The following PCDH15 variants were observed in gnomAD, a reference collection of about 807,000 sequenced individuals.
PCDH15 encodes the protein protocadherin-15.
A neutral mutation model predicts 178.5 loss-of-function variants in PCDH15; 129 were observed. The observed-to-expected ratio is 0.72, with a 90% CI of 0.63 to 0.84. PCDH15 has a LOEUF of 0.84. Ranked by LOEUF, PCDH15 falls within the 40% of genes least tolerant of loss-of-function variation. The pLI is 0.00. For missense variants in PCDH15, 2,230 were observed against 2,099.9 expected (o/e 1.06, Z -1.21); for synonymous variants, 800 against 732.0 (o/e 1.09, Z -1.50).
intron 2 of PCDH15, among the ~76,000 whole-genome samples, chr10:55,466,667 G>A (rs1229238198): frequency 3.3e-5 from 5 of 152,110 alleles, no homozygotes; most frequent in African/African-American, 7.2e-5. Context: ...GTCTGGCATC[G>A]AAACGCTGAC....
intron 2 of PCDH15, among the ~76,000 whole-genome samples, chr10:55,016,337 T>C (rs1840178632): frequency 6.6e-6 from 1 of 152,128 alleles, no homozygotes; most frequent in African/African-American, 2.4e-5. Flanking sequence ...TGCTATGAAA[T>C]AATAGATCTT....
At chr10:54,916,929 A>G (rs138211736) in intron 2 of PCDH15, among the ~76,000 whole-genome samples, 23 of 152,278 alleles carry the variant, frequency 1.5e-4, no homozygotes, top group African/African-American at 5.5e-4. Context: ...TTACTGTCAC[A>G]TAGGAGAGTC....
At chr10:54,519,435 CA>C (rs1373236110) in intron 3 of PCDH15, among the ~76,000 whole-genome samples, 60 of 152,036 alleles carry the variant, frequency 3.9e-4, no homozygotes, top group African/African-American at 1.4e-3. Context: ...AACAGAGAGC[CA>C]AATCATGAGT....
intron 3 of PCDH15, among the ~76,000 whole-genome samples, chr10:54,855,353 G>T (rs900884645): frequency 5.7e-4 from 87 of 152,158 alleles, no homozygotes; most frequent in Non-Finnish European, 2.4e-4. Flanking sequence ...GGGAAGCCAG[G>T]GTCCACAGCC....
chr10:54,103,165 T>C (rs2094843497), intron 15 of PCDH15, among the ~76,000 whole-genome samples: 1 of 152,214 alleles, frequency 6.6e-6, no homozygotes, highest in Non-Finnish European at 1.5e-5. Context: ...TGATTCTCTG[T>C]TTTTATAATT....
Position 54,686,041 on chromosome 10 carries a change from A to ATTTTTTTTTTTTTTTTTT in PCDH15, c.-28-21769_-28-21752dup, listed in dbSNP as rs66539612. Among the ~76,000 whole-genome samples the ATTTTTTTTTTTTTTTTTT allele has an allele frequency of 2.2e-3, 285 of 126,790 alleles. 3 individuals carry two copies. The highest frequency in any genetic ancestry group is 3.2e-3 in the Non-Finnish European group (201 of 62,066). 83.2% of individuals were successfully genotyped at this position (126,790 alleles called of 152,430 possible). A position where few individuals can be genotyped will look rare whatever the true frequency, so the allele number is the denominator to read the frequency against. On this transcript the variant is annotated intron_variant, in intron 1 of 37. Coordinates refer to ENST00000644397, the MANE Select transcript of PCDH15 (RefSeq NM_001384140.1). ...CAAATCCAAGGGAGCAAGACAGCCA[A>ATTTTTTTTTTTTTTTTTT]TTTTTTTTTTTTTTTTTTGTATTTT...
intron 2 of PCDH15, chr10:55,513,152 G>T (rs1840927160): frequency 6.6e-6 from 1 of 152,060 alleles, no homozygotes; most frequent in African/African-American, 2.4e-5. Context: ...AACTTAAGAG[G>T]ATCCAACAGT....
chr10:54,825,046 C>A (rs939797659), intron 3 of PCDH15, among the ~76,000 whole-genome samples: 2 of 152,054 alleles, frequency 1.3e-5, no homozygotes, highest in African/African-American at 4.8e-5. Context: ...ACAACAGTCT[C>A]CTGTGTGTGA....
At position 54,779,432 on chromosome 10, in the gene PCDH15, A is replaced by ATATG. The variant is rs796369320; in HGVS notation, c.-29+21492_-29+21493insCATA. ...TATATATATATATATACACACACAT[A>ATATG]TGTGTATATATATATACACTCATAT... On this transcript the variant is annotated intron_variant, in intron 1 of 37. Transcript: ENST00000644397. 3.0e-3 allele frequency among the ~76,000 whole-genome samples: 314 copies of ATATG among 105,364 alleles called. 4 individuals carry two copies. Among genetic ancestry groups the ATATG allele is most frequent in the South Asian group, 0.021 (61 of 2,918 alleles). 69.1% of individuals were successfully genotyped at this position (105,364 alleles called of 152,430 possible). A position where few individuals can be genotyped will look rare whatever the true frequency, so the allele number is the denominator to read the frequency against.
chr10:55,242,936 T>TA (rs1349879869), intron 1 of PCDH15, among the ~76,000 whole-genome samples: 1 of 152,192 alleles, frequency 6.6e-6, no homozygotes, highest in Non-Finnish European at 1.5e-5. Flanking sequence ...AGTTAAAAAT[T>TA]AATAATGAAG....
At chr10:54,315,932 T>G (rs857381) in intron 8 of PCDH15, among the ~76,000 whole-genome samples, 33,297 of 149,262 alleles carry the variant, frequency 0.22, 3,780 homozygotes, top group African/African-American at 0.26. Flanking sequence ...AGTTTGTGTG[T>G]TTTTTTTGTT....
chr10:54,861,721 A>G (rs1005920697), intron 3 of PCDH15, among the ~76,000 whole-genome samples: 3 of 152,210 alleles, frequency 2.0e-5, no homozygotes, highest in Admixed American at 6.5e-5. Context: ...AGAAAGAAAT[A>G]AAAGACATCC....
chr10:54,970,947 A>G (rs1838916177), intron 2 of PCDH15, among the ~76,000 whole-genome samples: 1 of 152,134 alleles, frequency 6.6e-6, no homozygotes, highest in Admixed American at 6.6e-5. Context: ...GAAATACCTA[A>G]CTTGTTTGAT....
At chr10:54,946,707 T>A (rs1343645305) in intron 2 of PCDH15, among the ~76,000 whole-genome samples, 1 of 151,860 alleles carries the variant, frequency 6.6e-6, no homozygotes, top group Non-Finnish European at 1.5e-5. Context: ...AAATCATAAT[T>A]TTCTCTAGTA....
intron 26 of PCDH15, among the ~76,000 whole-genome samples, chr10:53,899,052 C>G (rs10763027): frequency 0.64 from 97,787 of 151,650 alleles, 32,559 homozygotes; most frequent in East Asian, 0.87. Flanking sequence ...TTTCCACTCA[C>G]TATAGTATAA....
chr10:54,783,792 G>T (rs747936816), intron 1 of PCDH15, among the ~76,000 whole-genome samples: 3 of 152,138 alleles, frequency 2.0e-5, no homozygotes, highest in Non-Finnish European at 4.4e-5. Flanking sequence ...GCCACATATT[G>T]GGTACAATCT....
intron 1 of PCDH15, among the ~76,000 whole-genome samples, chr10:55,279,423 T>G (rs923380247): frequency 6.6e-6 from 1 of 152,194 alleles, no homozygotes; most frequent in African/African-American, 2.4e-5. Flanking sequence ...ATATTAGATT[T>G]CCTTTGAAAT....
intron 1 of PCDH15, among the ~76,000 whole-genome samples, chr10:54,699,012 T>C (rs2095272237): frequency 6.6e-6 from 1 of 152,138 alleles, no homozygotes; most frequent in African/African-American, 2.4e-5. Context: ...CAAATGAGTG[T>C]GTTCATAAAA....
intron 1 of PCDH15, among the ~76,000 whole-genome samples, chr10:54,721,465 T>C (rs1021800746): frequency 6.6e-6 from 1 of 151,746 alleles, no homozygotes; most frequent in Non-Finnish European, 1.5e-5. Flanking sequence ...TAAACAAAAT[T>C]GACAGACTGC....
Sources: gnomAD v4.1 joint callset for allele counts (sites outside exome capture counted in the v4.1 genomes callset) on GRCh38, gnomAD v4.1.1 for gene constraint, MANE v1.5 for transcripts, NCBI Gene and HGNC (gene_info 2026-07-23, HGNC 2026-07-21) for gene names.